The following GBE1 variants were observed in gnomAD, a reference collection of about 807,000 sequenced individuals.
GBE1 encodes 1,4-alpha-glucan-branching enzyme.
In GBE1, 70 loss-of-function variants were observed where a neutral mutation model predicts 88.8. The ratio of observed to expected loss-of-function variants is 0.79; its 90% CI spans 0.65 to 0.96. The LOEUF is 0.96. Among genes scored for constraint, GBE1 ranks in the 40% least tolerant of loss-of-function variants. The probability of loss-of-function intolerance (pLI) is 0.00; values close to 1 mark genes in which losing one functional copy is unlikely to be tolerated. For missense variants in GBE1, 872 were observed against 871.0 expected, an observed-to-expected ratio of 1.00 and a Z score of -0.01; for synonymous variants, 284 against 300.1, an observed-to-expected ratio of 0.95 and a Z score of 0.56.
intron 1 of GBE1, among the ~76,000 whole-genome samples, chr3:81,759,823 A>G (rs1436824847): frequency 6.6e-6 from 1 of 152,158 alleles, no homozygotes; most frequent in Non-Finnish European, 1.5e-5. Flanking sequence ...CTTAATAAAG[A>G]ATGTTAATCT....
At chr3:81,612,873 T>C in intron 7 of GBE1, 2 of 404,788 alleles carry the variant, frequency 4.9e-6, no homozygotes, top group South Asian at 4.1e-5. Flanking sequence ...AGACAATATT[T>C]GGCCAAAACC....
At chr3:81,627,216 T>A (rs140829602) in intron 7 of GBE1, among the ~76,000 whole-genome samples, 171 of 152,298 alleles carry the variant, frequency 1.1e-3, no homozygotes, top group African/African-American at 3.7e-3. Flanking sequence ...TCTGAGGTAC[T>A]TGCTTAAGGA....
intron 2 of GBE1, among the ~76,000 whole-genome samples, chr3:81,696,010 C>A (rs1399478536): frequency 6.6e-6 from 1 of 152,048 alleles, no homozygotes; most frequent in Non-Finnish European, 1.5e-5. Context: ...AGCTATAATA[C>A]AAAGAAGCAA....
intron 7 of GBE1, among the ~76,000 whole-genome samples, chr3:81,635,501 A>G (rs895797567): frequency 2.0e-5 from 3 of 152,230 alleles, no homozygotes; most frequent in Non-Finnish European, 2.9e-5. Context: ...ATTTATCTGC[A>G]GCATAACACT....
rs186319101 is a variant in GBE1 at position 81,589,493 on chromosome 3, T to C, written c.1236+1544A>G. ...TAGTTTTCAATTTAAGTGGAATAAATTGAAGGCACATCTTTTTTTAAAAAA... is the reference window on the plus strand; with the variant it reads ...TAGTTTTCAATTTAAGTGGAATAAACTGAAGGCACATCTTTTTTTAAAAAA... On this transcript the variant is annotated intron_variant, in intron 9 of 15. Transcript: ENST00000429644. Among the ~76,000 whole-genome samples, 688 of 151,590 alleles carry C rather than the reference T, an allele frequency of 4.5e-3. 6 individuals are homozygous for C. The highest frequency in any genetic ancestry group is 7.0e-3 in the Non-Finnish European group (472 of 67,782).
intron 1 of GBE1, among the ~76,000 whole-genome samples, chr3:81,725,537 G>C (rs1362301881): frequency 6.6e-6 from 1 of 152,048 alleles, no homozygotes; most frequent in South Asian, 2.1e-4. Flanking sequence ...AATATACATA[G>C]TAGTAGTACA....
At chr3:81,559,587 C>T (rs1703392205) in intron 12 of GBE1, among the ~76,000 whole-genome samples, 3 of 151,790 alleles carry the variant, frequency 2.0e-5, no homozygotes, top group Non-Finnish European at 4.4e-5. Context: ...TTTGTTCTAC[C>T]AGAAAAATCA....
intron 1 of GBE1, among the ~76,000 whole-genome samples, chr3:81,713,210 A>G (rs1280308229): frequency 6.6e-6 from 1 of 152,230 alleles, no homozygotes; most frequent in Non-Finnish European, 1.5e-5. Flanking sequence ...TTTGACTGGA[A>G]GAAGAGATTA....
At chr3:81,519,471 C>T (rs1434308342) in intron 14 of GBE1, among the ~76,000 whole-genome samples, 1 of 151,330 alleles carries the variant, frequency 6.6e-6, no homozygotes, top group African/African-American at 2.4e-5. Context: ...ATTTCCACTC[C>T]CACCTCAAAA....
intron 3 of GBE1, among the ~76,000 whole-genome samples, chr3:81,651,477 G>A (rs914566258): frequency 6.6e-6 from 1 of 151,978 alleles, no homozygotes; most frequent in South Asian, 2.1e-4. Flanking sequence ...ACCTATTAAA[G>A]CTAATCATCG....
At chr3:81,611,309 C>T (rs1704179814) in intron 7 of GBE1, among the ~76,000 whole-genome samples, 1 of 152,124 alleles carries the variant, frequency 6.6e-6, no homozygotes, top group Non-Finnish European at 1.5e-5. Context: ...ATAGTACATT[C>T]AGTTCAGTAT....
chr3:81,509,285 A>G (rs1702692656), intron 14 of GBE1, among the ~76,000 whole-genome samples: 1 of 145,428 alleles, frequency 6.9e-6, no homozygotes. Flanking sequence ...TTTAAATTTT[A>G]GGGTTTGTCT....
intron 2 of GBE1, among the ~76,000 whole-genome samples, chr3:81,672,156 G>A (rs907322727): frequency 1.3e-5 from 2 of 151,880 alleles, no homozygotes; most frequent in African/African-American, 4.8e-5. Context: ...AGTCAGCAAC[G>A]ATATAAAACA....
At position 81,490,446 on chromosome 3, in the gene GBE1, T is replaced by C. The variant is rs766160832; in HGVS notation, c.2070A>G (p.Arg690=). Residue 690 remains arginine, a synonymous_variant, in exon 16 of 16, where the codon AGA becomes AGG. Coordinates refer to ENST00000429644, the MANE Select transcript of GBE1 (RefSeq NM_000158.4). ...CCACATTCTGAAGGATGAGGGCCAC[T>C]CTGCTTGGAATGTACACCTACGTCA... ...PYSLLVYIPS[R]VALILQNVDL... The C allele has an allele frequency of 1.9e-6, 3 of 1,613,074 alleles. No individual in the cohort carries two copies. The highest frequency in any genetic ancestry group is 1.7e-6 in the Non-Finnish European group (2 of 1,179,392).
At chr3:81,645,021 A>T (rs1288851617) in intron 6 of GBE1, among the ~76,000 whole-genome samples, 1 of 152,164 alleles carries the variant, frequency 6.6e-6, no homozygotes, top group East Asian at 1.9e-4. Context: ...TGAAGTTAAG[A>T]TCAGAAATTT....
At chr3:81,678,309 G>A (rs1263354586) in intron 2 of GBE1, among the ~76,000 whole-genome samples, 5 of 152,244 alleles carry the variant, frequency 3.3e-5, no homozygotes, top group African/African-American at 7.2e-5. Context: ...CTTTGTACAC[G>A]CAGTCCCTCA....
chr3:81,499,002 C>T, intron 15 of GBE1, 108 bp downstream of exon 15: 3 of 694,794 alleles, frequency 4.3e-6, no homozygotes, highest in Non-Finnish European at 2.5e-6. Context: ...TTCCTTCATG[C>T]TTTTTTTCCA....
intron 14 of GBE1, among the ~76,000 whole-genome samples, chr3:81,508,960 G>A (rs1239803247): frequency 6.6e-6 from 1 of 152,182 alleles, no homozygotes; most frequent in East Asian, 1.9e-4. Context: ...ATTAACTGAA[G>A]CAATCTATTA....
intron 1 of GBE1, among the ~76,000 whole-genome samples, chr3:81,729,023 A>C (rs1411994821): frequency 6.6e-6 from 1 of 152,072 alleles, no homozygotes; most frequent in African/African-American, 2.4e-5. Flanking sequence ...TTTTTAGCTT[A>C]CTAGGTGCTA....
Sources: gnomAD v4.1 joint callset for allele counts (sites outside exome capture counted in the v4.1 genomes callset) on GRCh38, gnomAD v4.1.1 for gene constraint, MANE v1.5 for transcripts, NCBI Gene and HGNC (gene_info 2026-07-23, HGNC 2026-07-21) for gene names.